ROR1: variants seen among roughly 807,000 people sequenced by gnomAD.
The protein encoded by ROR1 is ROR family WNT receptor 1.
ROR1 carries 19 observed loss-of-function variants against 78.8 expected under a neutral mutation model. That is an observed-to-expected ratio of 0.24 (90% confidence interval 0.17 to 0.35). The LOEUF is 0.35. Ranked by LOEUF, ROR1 falls within the 10% of genes least tolerant of loss-of-function variation. The pLI, the probability that ROR1 is intolerant of heterozygous loss-of-function variation, is 1.00. For synonymous variants in ROR1, 386 were observed against 433.6 expected, an observed-to-expected ratio of 0.89 and a Z score of 1.36; for missense variants, 917 against 1,177.8, an observed-to-expected ratio of 0.78 and a Z score of 3.24.
At chr1:63,777,395 T>C (rs1198804275) in intron 1 of ROR1, among the ~76,000 whole-genome samples, 1 of 152,236 alleles carries the variant, frequency 6.6e-6, no homozygotes, top group Non-Finnish European at 1.5e-5. Context: ...CCAAGTCCAC[T>C]AGTCCCAACT....
intron 2 of ROR1, among the ~76,000 whole-genome samples, chr1:64,018,569 T>A (rs971835755): frequency 1.3e-5 from 2 of 152,138 alleles, no homozygotes; most frequent in Admixed American, 6.6e-5. Context: ...TCTTTCCTCA[T>A]GCAAGAAATT....
chr1:64,153,501 C>A (rs935806188), intron 7 of ROR1, among the ~76,000 whole-genome samples: 5 of 152,048 alleles, frequency 3.3e-5, no homozygotes, highest in African/African-American at 1.2e-4. Context: ...CAGAAGCAAC[C>A]CAAATGTCCA....
Position 64,041,515 on chromosome 1 carries a change from A to T in ROR1, c.164-8176A>T, listed in dbSNP as rs74593068. 6.0e-3 allele frequency among the ~76,000 whole-genome samples: 910 copies of T among 152,326 alleles called. 8 individuals carry two copies. The highest frequency in any genetic ancestry group is 0.021 in the African/African-American group (880 of 41,566). ...ACTCCTTTGAGTGGCACCACATGCT[A>T]ACTGGGCTTCCTAAGGAAAGAACTA... On this transcript the variant is annotated intron_variant, in intron 2 of 8. Transcript: ENST00000371079.
At chr1:64,172,387 A>G (rs1055084261) in intron 8 of ROR1, among the ~76,000 whole-genome samples, 1 of 152,214 alleles carries the variant, frequency 6.6e-6, no homozygotes, top group African/African-American at 2.4e-5. Context: ...TAACTTCTGC[A>G]TCAACTTTTA....
intron 1 of ROR1, among the ~76,000 whole-genome samples, chr1:63,918,122 C>T (rs981288915): frequency 5.9e-5 from 9 of 152,186 alleles, no homozygotes; most frequent in Non-Finnish European, 1.0e-4. Flanking sequence ...CGGCACCTGC[C>T]GTAAACCAAG....
At chr1:63,784,543 C>A (rs1012889947) in intron 1 of ROR1, among the ~76,000 whole-genome samples, 2 of 152,078 alleles carry the variant, frequency 1.3e-5, no homozygotes, top group Non-Finnish European at 2.9e-5. Context: ...AATTTACTTG[C>A]AAAAAGACAG....
intron 1 of ROR1, among the ~76,000 whole-genome samples, chr1:63,789,516 G>A (rs775498756): frequency 3.3e-5 from 5 of 152,128 alleles, no homozygotes; most frequent in Non-Finnish European, 7.3e-5. Context: ...CAGAGGAAGA[G>A]ACTTATGGTA....
At chr1:63,778,373 G>A (rs947436874) in intron 1 of ROR1, among the ~76,000 whole-genome samples, 7 of 152,196 alleles carry the variant, frequency 4.6e-5, no homozygotes, top group African/African-American at 1.7e-4. Context: ...AGGAACTGCT[G>A]ACTTGGAGTG....
chr1:63,861,373 AAT>A (rs1471862195), intron 1 of ROR1, among the ~76,000 whole-genome samples: 4 of 152,222 alleles, frequency 2.6e-5, no homozygotes, highest in African/African-American at 9.6e-5. Context: ...CCATTTTGCC[AAT>A]AGTCATTCCT....
intron 4 of ROR1, among the ~76,000 whole-genome samples, chr1:64,110,084 T>C (rs1648026152): frequency 6.6e-6 from 1 of 152,166 alleles, no homozygotes; most frequent in Non-Finnish European, 1.5e-5. Flanking sequence ...ATCTGTTCCA[T>C]GAGGCCAGGT....
intron 1 of ROR1, among the ~76,000 whole-genome samples, chr1:63,775,680 G>GT (rs1644612516): frequency 6.6e-6 from 1 of 152,250 alleles, no homozygotes; most frequent in African/African-American, 2.4e-5. Context: ...TGCAGAATTA[G>GT]TTTTTACTAA....
chr1:64,173,429 A>G (rs1650294284), intron 8 of ROR1, among the ~76,000 whole-genome samples: 1 of 152,190 alleles, frequency 6.6e-6, no homozygotes, highest in Non-Finnish European at 1.5e-5. Flanking sequence ...GAGTGACCAC[A>G]TACTGAAGGC....
intron 2 of ROR1, among the ~76,000 whole-genome samples, chr1:64,025,355 G>A (rs1400570769): frequency 6.6e-6 from 1 of 152,120 alleles, no homozygotes; most frequent in East Asian, 1.9e-4. Context: ...CTACTGGTGG[G>A]AGTATAAACT....
intron 1 of ROR1, among the ~76,000 whole-genome samples, chr1:63,987,135 G>A (rs1292837953): frequency 6.6e-6 from 1 of 152,086 alleles, no homozygotes; most frequent in African/African-American, 2.4e-5. Flanking sequence ...ACAGATCCAA[G>A]CAATTAGAGC....
At chr1:64,150,540 C>A (rs983621377) in intron 7 of ROR1, among the ~76,000 whole-genome samples, 4 of 152,198 alleles carry the variant, frequency 2.6e-5, no homozygotes, top group Non-Finnish European at 4.4e-5. Context: ...CAGCAGCCTT[C>A]TCCCATATTT....
In ROR1 at chr1:64,165,687, A is replaced by C. The variant is rs185289575; in HGVS notation, c.1386+6495A>C. 2.1e-5 allele frequency among the ~76,000 whole-genome samples: 3 copies of C among 142,940 alleles called. No homozygotes were observed. The Admixed American group carries it at 2.1e-4, about 10-fold the overall frequency. 93.8% of individuals were successfully genotyped at this position (142,940 alleles called of 152,430 possible). ...CTATGTTGTCTTCCAGGATTTTTAT[A>C]ATTTCGGGTTTTACTTTTTTTTTTT... On this transcript the variant is annotated intron_variant, in intron 8 of 8. Transcript: ENST00000371079.
intron 1 of ROR1, among the ~76,000 whole-genome samples, chr1:63,785,824 C>T (rs1644681493): frequency 6.6e-6 from 1 of 152,206 alleles, no homozygotes; most frequent in Non-Finnish European, 1.5e-5. Context: ...CCGCGCCCGG[C>T]CTACGCAGCA....
intron 1 of ROR1, among the ~76,000 whole-genome samples, chr1:63,948,951 T>C (rs185762842): frequency 1.3e-5 from 2 of 152,330 alleles, no homozygotes; most frequent in East Asian, 1.9e-4. Flanking sequence ...TATTCTGTTA[T>C]GCCAGCCTGA....
chr1:64,152,806 A>G (rs908799569), intron 7 of ROR1, among the ~76,000 whole-genome samples: 3 of 152,210 alleles, frequency 2.0e-5, no homozygotes, highest in African/African-American at 7.2e-5. Context: ...ATCATCAATG[A>G]TAATGTTGAG....
Sources: gnomAD v4.1 joint callset for allele counts (sites outside exome capture counted in the v4.1 genomes callset) on GRCh38, gnomAD v4.1.1 for gene constraint, MANE v1.5 for transcripts, NCBI Gene and HGNC (gene_info 2026-07-23, HGNC 2026-07-21) for gene names.